The following PAPPA variants were observed in gnomAD, a reference collection of about 807,000 sequenced individuals.
The protein encoded by PAPPA is pappalysin-1.
A neutral mutation model predicts 164.0 loss-of-function variants in PAPPA; 60 were observed. That is an observed-to-expected ratio of 0.37 (90% CI 0.30 to 0.45). The LOEUF (loss-of-function observed/expected upper bound fraction) is 0.45. Among genes scored for constraint, PAPPA ranks in the 20% least tolerant of loss-of-function variants. The pLI is 1.00. For missense variants in PAPPA, 1,782 were observed against 2,087.3 expected, an observed-to-expected ratio of 0.85 and a Z score of 2.85; for synonymous variants, 875 against 814.1, an observed-to-expected ratio of 1.07 and a Z score of -1.27.
At chr9:116,168,490 C>T (rs536333232) in intron 1 of PAPPA, among the ~76,000 whole-genome samples, 20 of 152,222 alleles carry the variant, frequency 1.3e-4, no homozygotes, top group African/African-American at 4.8e-4. Flanking sequence ...ATGAAACACC[C>T]ATGTTTATCA....
At chr9:116,385,138 G>A (rs1846789951) in intron 21 of PAPPA, among the ~76,000 whole-genome samples, 1 of 151,982 alleles carries the variant, frequency 6.6e-6, no homozygotes, top group East Asian at 1.9e-4. Flanking sequence ...GGAGGCTGAG[G>A]CAGGAGAATC....
At chr9:116,358,300 T>G (rs1156242288) in intron 17 of PAPPA, among the ~76,000 whole-genome samples, 1 of 152,242 alleles carries the variant, frequency 6.6e-6, no homozygotes, top group Non-Finnish European at 1.5e-5. Context: ...TCCTCCCTTG[T>G]GGGGCAACAT....
At chr9:116,238,143 C>G (rs755357146) in intron 7 of PAPPA, among the ~76,000 whole-genome samples, 1 of 152,056 alleles carries the variant, frequency 6.6e-6, no homozygotes, top group Non-Finnish European at 1.5e-5. Flanking sequence ...TAAGGCCTGA[C>G]CATTAGAACT....
rs73654619 is a variant in PAPPA at position 116,163,135 on chromosome 9, A to T, written c.415+8548A>T. Among the ~76,000 whole-genome samples the T allele has an allele frequency of 3.8e-3, 578 of 152,348 alleles. 6 individuals carry two copies. Among genetic ancestry groups the T allele is most frequent in the African/African-American group, 0.012 (512 of 41,580 alleles). On this transcript the variant is annotated intron_variant, in intron 1 of 21. Coordinates refer to ENST00000328252, the MANE Select transcript of PAPPA (RefSeq NM_002581.5). The stretch of plus-strand genomic sequence containing the variant: ...AGACCAGTCAACAAAAGAGAGAAAC[A>T]TCTCCGCCCTCAGGGAGTTTATATT...
chr9:116,207,180 G>A lies in PAPPA; in HGVS notation c.1479-276G>A, dbSNP rs533480433. ...TTGAACTTAGTAAGGTATGAAGAAG[G>A]TTCTCTAAGCCTCTGGAGATAACGA... On this transcript the variant is annotated intron_variant, in intron 2 of 21. Transcript: ENST00000328252. 1.3e-5 allele frequency among the ~76,000 whole-genome samples: 2 copies of A among 152,060 alleles called. 1 individual carries two copies. Among genetic ancestry groups the A allele is most frequent in the Admixed American group, 1.3e-4 (2 of 15,258 alleles).
chr9:116,158,259 A>G (rs1445901829), intron 1 of PAPPA, among the ~76,000 whole-genome samples: 1 of 152,154 alleles, frequency 6.6e-6, no homozygotes, highest in Non-Finnish European at 1.5e-5. Context: ...CCCAACCCTC[A>G]AAAAAGAGTA....
At chr9:116,300,910 C>G (rs922103267) in intron 9 of PAPPA, among the ~76,000 whole-genome samples, 28 of 151,808 alleles carry the variant, frequency 1.8e-4, no homozygotes, top group African/African-American at 6.8e-4. Flanking sequence ...ATGTTCATTT[C>G]CTATTAGAGT....
At chr9:116,321,046 G>A (rs77759873) in intron 10 of PAPPA, among the ~76,000 whole-genome samples, 1 of 121,068 alleles carries the variant, frequency 8.3e-6, no homozygotes, top group Non-Finnish European at 1.7e-5. Context: ...TTTTTTTTTT[G>A]AGACGGAGTC....
At chr9:116,166,411 C>G (rs978558712) in intron 1 of PAPPA, among the ~76,000 whole-genome samples, 2 of 152,166 alleles carry the variant, frequency 1.3e-5, no homozygotes, top group Admixed American at 1.3e-4. Context: ...CTCTCTCCCC[C>G]TTATCAGTGT....
At chr9:116,321,084 G>A (rs1845849345) in intron 10 of PAPPA, among the ~76,000 whole-genome samples, 2 of 151,464 alleles carry the variant, frequency 1.3e-5, no homozygotes, top group South Asian at 4.2e-4. Flanking sequence ...CCGGACTGCA[G>A]TAGTGCTATC....
chr9:116,237,271 G>A (rs1418483084), intron 7 of PAPPA, among the ~76,000 whole-genome samples: 3 of 152,204 alleles, frequency 2.0e-5, no homozygotes, highest in Non-Finnish European at 4.4e-5. Context: ...AACTCAGAAA[G>A]AGCACTTGGT....
intron 2 of PAPPA, among the ~76,000 whole-genome samples, chr9:116,204,831 T>C (rs1844213133): frequency 6.6e-6 from 1 of 152,096 alleles, no homozygotes; most frequent in East Asian, 1.9e-4. Context: ...TCACTATCCC[T>C]AGACAGTAAT....
chr9:116,231,744 G>T (rs1844597594), intron 6 of PAPPA, among the ~76,000 whole-genome samples: 3 of 103,062 alleles, frequency 2.9e-5, no homozygotes, highest in Non-Finnish European at 4.0e-5. Context: ...CTAAACAGTG[G>T]TTTTTCTTTT....
At chr9:116,391,216 C>T (rs903515256) in intron 21 of PAPPA, among the ~76,000 whole-genome samples, 3 of 152,210 alleles carry the variant, frequency 2.0e-5, no homozygotes, top group Non-Finnish European at 2.9e-5. Context: ...AACTGTTCCA[C>T]GTTTTATGCC....
At chr9:116,289,681 A>T (rs1017342083) in intron 9 of PAPPA, among the ~76,000 whole-genome samples, 1 of 152,150 alleles carries the variant, frequency 6.6e-6, no homozygotes, top group Non-Finnish European at 1.5e-5. Context: ...AGAACCTTGC[A>T]GTGTTAAAAC....
chr9:116,391,271 C>T (rs539351533), intron 21 of PAPPA, among the ~76,000 whole-genome samples: 1 of 152,288 alleles, frequency 6.6e-6, no homozygotes, highest in Non-Finnish European at 1.5e-5. Flanking sequence ...CAGGGGAATC[C>T]TCGTCCTTGG....
intron 10 of PAPPA, among the ~76,000 whole-genome samples, chr9:116,311,827 G>A (rs1461930036): frequency 1.3e-5 from 2 of 152,192 alleles, no homozygotes; most frequent in African/African-American, 4.8e-5. Context: ...AATTGAATCT[G>A]GAGAAGGAAC....
At chr9:116,210,662 C>T (rs1288060086) in intron 3 of PAPPA, among the ~76,000 whole-genome samples, 2 of 152,166 alleles carry the variant, frequency 1.3e-5, no homozygotes, top group African/African-American at 4.8e-5. Context: ...TCTGTTCTGT[C>T]TATCTGCCCA....
chr9:116,352,802 A>T lies in PAPPA; in HGVS notation c.4061A>T (p.Asn1354Ile). The part of the protein sequence containing the change: ...LMCLAPPPVP[N>I]ADLQTARCRE... Reference sequence around the variant, plus strand: ...TGCCTCGCTCCACCCCCTGTGCCCAATGCAGACCTCCAGACCGCCCGGTGC... The same window carrying T: ...TGCCTCGCTCCACCCCCTGTGCCCATTGCAGACCTCCAGACCGCCCGGTGC... The change falls in exon 16 of 22, where the codon AAT (asparagine) becomes ATT (isoleucine). Residue 1354 changes from asparagine to isoleucine, a missense_variant. Around this residue, in one of 2 missense-constraint regions of PAPPA, gnomAD observed 1,324 missense variants for 1,656.9 expected, o/e 0.80. Transcript: ENST00000328252. 1 of 1,613,990 alleles carries T rather than the reference A, an allele frequency of 6.2e-7. No individual in the cohort carries two copies. The highest frequency in any genetic ancestry group is 8.5e-7 in the Non-Finnish European group (1 of 1,179,962).
Sources: gnomAD v4.1 joint callset for allele counts (sites outside exome capture counted in the v4.1 genomes callset) on GRCh38, gnomAD v4.1.1 for gene constraint, gnomAD v4.1.1 regional missense constraint, MANE v1.5 for transcripts, NCBI Gene and HGNC (gene_info 2026-07-23, HGNC 2026-07-21) for gene names.